The following TNR variants were observed in gnomAD, a reference collection of about 807,000 sequenced individuals.
TNR encodes tenascin R.
Under a neutral mutation model 150.4 loss-of-function variants are expected in TNR, and 45 were observed. The ratio of observed to expected loss-of-function variants is 0.30; its 90% confidence interval spans 0.24 to 0.38. TNR has a LOEUF of 0.38. Ranked by LOEUF, TNR falls within the 10% of genes least tolerant of loss-of-function variation. The pLI is 1.00. For missense variants in TNR, 1,544 were observed against 1,759.1 expected, an observed-to-expected ratio of 0.88 and a Z score of 2.19; for synonymous variants, 687 against 678.4, an observed-to-expected ratio of 1.01 and a Z score of -0.20.
chr1:175,437,625 C>G, intron 2 of TNR, among the ~76,000 whole-genome samples: 1 of 151,796 alleles, frequency 6.6e-6, no homozygotes. Flanking sequence ...ATTGATAGAC[C>G]GCTAGCAAGA....
At chr1:175,735,102 T>C (rs939905395) in intron 1 of TNR, among the ~76,000 whole-genome samples, 3 of 152,210 alleles carry the variant, frequency 2.0e-5, no homozygotes, top group Non-Finnish European at 2.9e-5. Flanking sequence ...AGACAGTCCC[T>C]TTATAGGTGG....
At chr1:175,390,207 G>T (rs80312127) in intron 7 of TNR, among the ~76,000 whole-genome samples, 10 of 152,174 alleles carry the variant, frequency 6.6e-5, no homozygotes, top group Admixed American at 2.0e-4. Context: ...CAGTAGCAGA[G>T]CATGAATCAC....
intron 14 of TNR, among the ~76,000 whole-genome samples, chr1:175,361,101 ACTCAGGC>A (rs1651567146): frequency 5.3e-5 from 8 of 152,084 alleles, no homozygotes; most frequent in Admixed American, 5.2e-4. Context: ...TTGCTCTGTC[ACTCAGGC>A]TGGCATGCAG....
intron 1 of TNR, among the ~76,000 whole-genome samples, chr1:175,727,123 G>A (rs1017857874): frequency 3.9e-5 from 6 of 152,218 alleles, no homozygotes; most frequent in Non-Finnish European, 7.3e-5. Flanking sequence ...CTGACTCTAC[G>A]ACCTTGCTGG....
At chr1:175,553,817 A>ACACACACACACACACACACAC in intron 1 of TNR, among the ~76,000 whole-genome samples, 1 of 145,498 alleles carries the variant, frequency 6.9e-6, no homozygotes, top group Non-Finnish European at 1.5e-5. Context: ...TACAAGAACA[A>ACACACACACACACACACACAC]ACACACACAC....
At position 175,367,304 on chromosome 1, in the gene TNR, G is replaced by T. The variant is rs934193155; in HGVS notation, c.1964-7C>A. 1 of 1,613,288 alleles carries T rather than the reference G, an allele frequency of 6.2e-7. No individual in the cohort carries two copies. Among genetic ancestry groups the T allele is most frequent in the Non-Finnish European group, 8.5e-7 (1 of 1,179,216 alleles). On this transcript the variant is annotated splice_polypyrimidine_tract_variant and splice_region_variant and intron_variant, in intron 9 of 22. Transcript: ENST00000367674. ...TCAGTGCCAGGTACCAGATCTATCA[G>T]TGGATGGAGAAACAAACATTATTCT...
chr1:175,493,144 G>A (rs1379917221), intron 2 of TNR, among the ~76,000 whole-genome samples: 1 of 151,890 alleles, frequency 6.6e-6, no homozygotes, highest in Non-Finnish European at 1.5e-5. Flanking sequence ...TCTTCTCCTT[G>A]GCAATCTCTC....
chr1:175,598,267 A>T (rs1462208179), intron 1 of TNR, among the ~76,000 whole-genome samples: 3 of 152,238 alleles, frequency 2.0e-5, no homozygotes, highest in Non-Finnish European at 1.5e-5. Context: ...GACCTCATTT[A>T]GTCCAATTCT....
chr1:175,721,121 T>A (rs979680787), intron 1 of TNR, among the ~76,000 whole-genome samples: 2 of 152,196 alleles, frequency 1.3e-5, no homozygotes, highest in Non-Finnish European at 2.9e-5. Context: ...CTTCTGCTCA[T>A]CATTCAGGGC....
At chr1:175,550,011 AAC>A (rs1660874828) in intron 1 of TNR, among the ~76,000 whole-genome samples, 1 of 152,214 alleles carries the variant, frequency 6.6e-6, no homozygotes, top group South Asian at 2.1e-4. Flanking sequence ...ATAGAGAGCT[AAC>A]ACACTCTCTA....
chr1:175,381,342 C>T (rs1228100473), intron 8 of TNR, among the ~76,000 whole-genome samples: 1 of 152,152 alleles, frequency 6.6e-6, no homozygotes, highest in African/African-American at 2.4e-5. Context: ...TAGTGCTCTT[C>T]ACAACTAAAA....
intron 18 of TNR, among the ~76,000 whole-genome samples, chr1:175,340,231 C>T (rs1422006105): frequency 2.6e-5 from 4 of 151,960 alleles, no homozygotes; most frequent in African/African-American, 7.3e-5. Context: ...TGGCGGGGGG[C>T]GGGTACTCCC....
chr1:175,427,595 GTTTA>G (rs1011374527), intron 2 of TNR, among the ~76,000 whole-genome samples: 1 of 152,028 alleles, frequency 6.6e-6, no homozygotes, highest in African/African-American at 2.4e-5. Context: ...GTTTATCATG[GTTTA>G]TTTTTTATTA....
At chr1:175,337,442 G>A in intron 19 of TNR, 86 bp downstream of exon 19, 1 of 1,514,034 alleles carries the variant, frequency 6.6e-7, no homozygotes. Context: ...CCAGGAGGAT[G>A]GTGAAGTTGG....
chr1:175,589,999 T>TA (rs1409733373), intron 1 of TNR, among the ~76,000 whole-genome samples: 1 of 151,576 alleles, frequency 6.6e-6, no homozygotes, highest in African/African-American at 2.4e-5. Flanking sequence ...AGTATAATAA[T>TA]AATAAAAAAA....
rs1216847970 is a variant in TNR, at chr1:175,318,498, C to T, written c.*4859G>A. 6.6e-6 allele frequency: 1 copy of T among 152,210 alleles called. No homozygotes were observed. The highest frequency in any genetic ancestry group is 2.4e-5 in the African/African-American group (1 of 41,428). The allele number at this position is 152,210 out of a possible 1,614,324, so 9.4% of individuals were successfully genotyped here. ...TCTTAAAGCATATAGGAGTTACTTT[C>T]CCTGCTTGCTTTTGAAAGTTTTCAT... is the stretch of plus-strand genomic sequence containing the variant. On this transcript the variant is annotated 3_prime_UTR_variant, in exon 23 of 23. Transcript: ENST00000367674.
intron 1 of TNR, among the ~76,000 whole-genome samples, chr1:175,698,806 A>ACTCT (rs1666604594): frequency 6.6e-6 from 1 of 151,254 alleles, no homozygotes; most frequent in Non-Finnish European, 1.5e-5. Context: ...GGGCAATAAA[A>ACTCT]GTAAGACTCT....
chr1:175,673,751 G>A (rs998677), intron 1 of TNR, among the ~76,000 whole-genome samples: 10,110 of 152,316 alleles, frequency 0.066, 445 homozygotes, highest in East Asian at 0.12. Context: ...TGCTGGTACG[G>A]GAGGGTAGAA....
At chr1:175,609,519 T>C (rs1375638418) in intron 1 of TNR, among the ~76,000 whole-genome samples, 2 of 152,168 alleles carry the variant, frequency 1.3e-5, no homozygotes, top group Non-Finnish European at 2.9e-5. Flanking sequence ...TATAAAATGG[T>C]AGCTGGACAT....
Sources: allele counts gnomAD v4.1 joint callset (sites outside exome capture counted in the v4.1 genomes callset), GRCh38; gene constraint gnomAD v4.1.1; transcripts MANE v1.5; gene names NCBI Gene and HGNC (gene_info 2026-07-23, HGNC 2026-07-21).